The following SOBP variants were observed in gnomAD, a reference collection of about 807,000 sequenced individuals.
SOBP encodes sine oculis-binding protein homolog.
Under a neutral mutation model 53.6 loss-of-function variants are expected in SOBP, and 4 were observed. That is an observed-to-expected ratio of 0.07 (90% CI 0.04 to 0.17). The LOEUF is 0.17. SOBP is among the 10% of genes least tolerant of loss of function. The pLI, the probability that SOBP is intolerant of heterozygous loss-of-function variation, is 1.00. For missense variants in SOBP, 1,088 were observed against 1,204.7 expected (o/e 0.90, Z 1.43); for synonymous variants, 584 against 522.6 (o/e 1.12, Z -1.60).
intron 4 of SOBP, among the ~76,000 whole-genome samples, chr6:107,565,727 A>C (rs1784898212): frequency 6.6e-6 from 1 of 152,238 alleles, no homozygotes; most frequent in Non-Finnish European, 1.5e-5. Context: ...AGTCAGAAGG[A>C]CTGAAAAATC....
chr6:107,567,073 A>G (rs527506481), intron 4 of SOBP, among the ~76,000 whole-genome samples: 1 of 152,358 alleles, frequency 6.6e-6, no homozygotes, highest in South Asian at 2.1e-4. Flanking sequence ...ATCAAGCACT[A>G]TGCTGGACAT....
chr6:107,619,270 A>G (rs1054925228), intron 5 of SOBP, among the ~76,000 whole-genome samples: 1 of 152,246 alleles, frequency 6.6e-6, no homozygotes, highest in Non-Finnish European at 1.5e-5. Context: ...CATCTTATGC[A>G]TCCAAGTGAT....
chr6:107,566,520 G>A (rs1302577596), intron 4 of SOBP, among the ~76,000 whole-genome samples: 3 of 152,218 alleles, frequency 2.0e-5, no homozygotes, highest in Non-Finnish European at 2.9e-5. Context: ...GAAGCAGAAA[G>A]CAGTGAGAAC....
At chr6:107,611,938 A>G (rs958203293) in intron 5 of SOBP, among the ~76,000 whole-genome samples, 6 of 152,186 alleles carry the variant, frequency 3.9e-5, no homozygotes, top group Non-Finnish European at 7.3e-5. Flanking sequence ...CCAGACCCCA[A>G]ATGAGACATA....
intron 1 of SOBP, among the ~76,000 whole-genome samples, chr6:107,494,413 A>G (rs559452378): frequency 6.6e-6 from 1 of 152,338 alleles, no homozygotes; most frequent in African/African-American, 2.4e-5. Context: ...AAGCGTAAAT[A>G]TATGTGTAAG....
chr6:107,635,442 C>T lies in SOBP; in HGVS notation c.2598C>T (p.Leu866=). The change falls in exon 6 of 7, where the codon CTC becomes CTT. Residue 866 remains leucine, a synonymous_variant. Transcript: ENST00000317357. This position sits in a 1 kb window ranked among gnomAD's most constrained non-coding sequence, Gnocchi z 4.5. ...AGCCGCCGCTCAAAAGGAGGTGCCT[C>T]CGAATTAGAAATCAGAATAAGTAAA... ...DLEPPLKRRC[L]RIRNQNK 6.2e-7 allele frequency: 1 copy of T among 1,613,444 alleles called. No homozygotes were observed. Among genetic ancestry groups the T allele is most frequent in the Admixed American group, 1.7e-5 (1 of 60,014 alleles).
chr6:107,620,125 G>A (rs915011305), intron 5 of SOBP, among the ~76,000 whole-genome samples: 2 of 152,112 alleles, frequency 1.3e-5, no homozygotes, highest in South Asian at 2.1e-4. Context: ...GCAGTGAATG[G>A]TCCCACAGTG....
chr6:107,617,906 C>T (rs1786855321), intron 5 of SOBP, among the ~76,000 whole-genome samples: 1 of 147,730 alleles, frequency 6.8e-6, no homozygotes, highest in East Asian at 2.1e-4. Flanking sequence ...CAGCTCACTG[C>T]AACATCTACC....
intron 1 of SOBP, among the ~76,000 whole-genome samples, chr6:107,503,354 T>C (rs957512908): frequency 3.3e-5 from 5 of 152,230 alleles, no homozygotes; most frequent in Non-Finnish European, 7.3e-5. Flanking sequence ...ATATAGATTT[T>C]ATAGACTAAT....
At chr6:107,499,317 G>A (rs1782777503) in intron 1 of SOBP, among the ~76,000 whole-genome samples, 1 of 152,088 alleles carries the variant, frequency 6.6e-6, no homozygotes, top group Admixed American at 6.5e-5. Flanking sequence ...ATGTCATATA[G>A]GTTCACCAAA....
chr6:107,602,696 A>G lies in SOBP; in HGVS notation c.669+15521A>G, dbSNP rs549015764. Among the ~76,000 whole-genome samples the G allele has an allele frequency of 3.5e-3, 535 of 152,220 alleles. 2 individuals are homozygous for G. The highest frequency in any genetic ancestry group is 5.1e-3 in the Non-Finnish European group (345 of 68,028). On this transcript the variant is annotated intron_variant, in intron 5 of 6. Coordinates refer to ENST00000317357, the MANE Select transcript of SOBP (RefSeq NM_018013.4). Reference sequence around the variant, plus strand: ...AGGCTCAGGTTATGTGAAGGGGTCTATTCCAGTTATGTCCTGATTTATGCT... The same window carrying G: ...AGGCTCAGGTTATGTGAAGGGGTCTGTTCCAGTTATGTCCTGATTTATGCT...
intron 4 of SOBP, among the ~76,000 whole-genome samples, chr6:107,541,106 C>G (rs1784135682): frequency 6.6e-6 from 1 of 152,078 alleles, no homozygotes; most frequent in Non-Finnish European, 1.5e-5. Flanking sequence ...TTGGAGAGCC[C>G]TGATTAATTT....
intron 4 of SOBP, among the ~76,000 whole-genome samples, chr6:107,549,357 G>C (rs1192966768): frequency 6.6e-6 from 1 of 152,004 alleles, no homozygotes; most frequent in Non-Finnish European, 1.5e-5. Context: ...CCCTATACTG[G>C]GGTGGAGCTC....
intron 6 of SOBP, among the ~76,000 whole-genome samples, chr6:107,651,766 A>C (rs934149491): frequency 5.9e-5 from 9 of 152,200 alleles, no homozygotes; most frequent in African/African-American, 2.2e-4. Flanking sequence ...GGTAGGGGCT[A>C]ATGCTGCCGG....
chr6:107,493,269 G>A (rs985880926), intron 1 of SOBP, among the ~76,000 whole-genome samples: 2 of 151,980 alleles, frequency 1.3e-5, no homozygotes, highest in Admixed American at 1.3e-4. Context: ...CATCTGAACG[G>A]CTTTCATCTG....
intron 6 of SOBP, among the ~76,000 whole-genome samples, chr6:107,637,664 C>T (rs892975841): frequency 6.6e-6 from 1 of 152,300 alleles, no homozygotes; most frequent in South Asian, 2.1e-4. Flanking sequence ...TAATATCACT[C>T]ATTCAGGTGA....
intron 4 of SOBP, among the ~76,000 whole-genome samples, chr6:107,558,905 G>A (rs965527996): frequency 5.9e-5 from 9 of 151,640 alleles, no homozygotes; most frequent in East Asian, 5.8e-4. Flanking sequence ...TTTTCATAGC[G>A]TATAATACTA....
intron 5 of SOBP, among the ~76,000 whole-genome samples, chr6:107,600,733 A>G (rs902013777): frequency 3.3e-5 from 5 of 152,182 alleles, no homozygotes; most frequent in Non-Finnish European, 7.3e-5. Context: ...ATTAGTTTCC[A>G]TAAATTAGAG....
chr6:107,637,751 A>G (rs969506779), intron 6 of SOBP, among the ~76,000 whole-genome samples: 1 of 152,276 alleles, frequency 6.6e-6, no homozygotes, highest in Admixed American at 6.5e-5. Flanking sequence ...GACCAGGTCA[A>G]GAATAGTGAC....
Sources: gnomAD v4.1 joint callset for allele counts (sites outside exome capture counted in the v4.1 genomes callset) on GRCh38, gnomAD v4.1.1 for gene constraint, Gnocchi (gnomAD v3.1) non-coding constraint, MANE v1.5 for transcripts, NCBI Gene and HGNC (gene_info 2026-07-23, HGNC 2026-07-21) for gene names.